CDH10: variants seen among roughly 807,000 people sequenced by gnomAD.
CDH10 encodes cadherin 10.
CDH10 carries 30 observed loss-of-function variants against 73.1 expected under a neutral mutation model. The ratio of observed to expected loss-of-function variants is 0.41; its 90% CI spans 0.31 to 0.56. The LOEUF is 0.56. CDH10 is among the 20% of genes least tolerant of loss of function. CDH10 has a pLI of 0.27. For synonymous variants in CDH10, 345 were observed against 348.2 expected (o/e 0.99, Z 0.10); for missense variants, 815 against 973.7 (o/e 0.84, Z 2.17).
intron 1 of CDH10, among the ~76,000 whole-genome samples, chr5:24,604,920 A>G (rs1746706260): frequency 6.6e-6 from 1 of 151,904 alleles, no homozygotes; most frequent in Non-Finnish European, 1.5e-5. Flanking sequence ...CAAACAAAAG[A>G]AAGTCAAAAA....
chr5:24,595,532 C>A (rs1304295149), intron 1 of CDH10, among the ~76,000 whole-genome samples: 1 of 151,874 alleles, frequency 6.6e-6, no homozygotes, highest in Non-Finnish European at 1.5e-5. Context: ...AATGGTCTTA[C>A]ATCACAAAGC....
chr5:24,582,915 A>G (rs924535395), intron 2 of CDH10, among the ~76,000 whole-genome samples: 1 of 152,214 alleles, frequency 6.6e-6, no homozygotes, highest in Non-Finnish European at 1.5e-5. Flanking sequence ...TTAGGTTGAA[A>G]CAACCTCAAT....
chr5:24,546,318 T>G (rs565004636), intron 2 of CDH10, among the ~76,000 whole-genome samples: 1 of 152,272 alleles, frequency 6.6e-6, no homozygotes, highest in African/African-American at 2.4e-5. Flanking sequence ...GTTAACTTTC[T>G]GTGTTTTCCC....
intron 5 of CDH10, among the ~76,000 whole-genome samples, chr5:24,517,965 G>A (rs4290982): frequency 0.48 from 72,657 of 151,904 alleles, 17,492 homozygotes; most frequent in East Asian, 0.58. Flanking sequence ...TTTAGATTTC[G>A]TAGTGTAGGC....
intron 1 of CDH10, among the ~76,000 whole-genome samples, chr5:24,602,563 C>G (rs1055848838): frequency 1.2e-4 from 18 of 152,102 alleles, no homozygotes; most frequent in African/African-American, 4.3e-4. Flanking sequence ...CACTTTTTAC[C>G]TATTTCCCCA....
intron 2 of CDH10, among the ~76,000 whole-genome samples, chr5:24,584,857 T>TC (rs200630310): frequency 8.7e-5 from 13 of 149,930 alleles, no homozygotes; most frequent in South Asian, 2.1e-4. Flanking sequence ...CTTTTTTTTT[T>TC]CCCCCCTGAT....
At chr5:24,509,913 TTC>T (rs1230958081) in intron 6 of CDH10, 94 bp from the exon 7 acceptor site, 1 of 840,944 alleles carries the variant, frequency 1.2e-6, no homozygotes, top group Non-Finnish European at 1.9e-6. Context: ...TGTGGTTGAG[TTC>T]TCTTACATAG....
chr5:24,600,793 T>C (rs1746535890), intron 1 of CDH10, among the ~76,000 whole-genome samples: 1 of 152,068 alleles, frequency 6.6e-6, no homozygotes, highest in African/African-American at 2.4e-5. Context: ...GGAAAAGAAA[T>C]ATATACATTA....
At chr5:24,612,119 A>G (rs1746969142) in intron 1 of CDH10, 1 of 152,230 alleles carries the variant, frequency 6.6e-6, no homozygotes, top group Non-Finnish European at 1.5e-5. Flanking sequence ...ATAGTACGTT[A>G]CACATTAATA....
intron 2 of CDH10, among the ~76,000 whole-genome samples, chr5:24,575,920 T>G (rs754482901): frequency 5.3e-5 from 8 of 152,018 alleles, no homozygotes; most frequent in Non-Finnish European, 1.2e-4. Flanking sequence ...TGGAGTTAAC[T>G]TCCAAAATGT....
intron 2 of CDH10, among the ~76,000 whole-genome samples, chr5:24,538,399 G>A (rs915803339): frequency 7.9e-5 from 12 of 152,034 alleles, no homozygotes; most frequent in Admixed American, 5.9e-4. Context: ...CAGGAACAAG[G>A]CAATACAAGG....
chr5:24,554,405 G>A (rs1252722235), intron 2 of CDH10, among the ~76,000 whole-genome samples: 1 of 151,748 alleles, frequency 6.6e-6, no homozygotes, highest in Non-Finnish European at 1.5e-5. Flanking sequence ...GTGAAACTTG[G>A]TGCTTCCTTT....
At chr5:24,613,931 A>G (rs992073551) in intron 1 of CDH10, among the ~76,000 whole-genome samples, 1 of 152,186 alleles carries the variant, frequency 6.6e-6, no homozygotes, top group Non-Finnish European at 1.5e-5. Context: ...GAATGGGACA[A>G]GGACAAATTC....
intron 1 of CDH10, among the ~76,000 whole-genome samples, chr5:24,628,565 T>C (rs552972819): frequency 1.3e-4 from 20 of 152,258 alleles, no homozygotes; most frequent in African/African-American, 4.1e-4. Context: ...CAGCCATGCA[T>C]GTAAAATGAC....
At chr5:24,561,518 G>C (rs1579809832) in intron 2 of CDH10, among the ~76,000 whole-genome samples, 1 of 151,988 alleles carries the variant, frequency 6.6e-6, no homozygotes, top group Admixed American at 6.6e-5. Flanking sequence ...CATCGTTCGC[G>C]ACCCTACTGC....
chr5:24,500,254 TA>T lies in CDH10; in HGVS notation c.1394-1736del, dbSNP rs528126429. ...TACTCCAATATTAAAATCAGCACTT[TA>T]AAAAATGATATATAAGAACAGACTG... On this transcript the variant is annotated intron_variant, in intron 8 of 11. Transcript: ENST00000264463. Among the ~76,000 whole-genome samples, 11 of 152,346 alleles carry T rather than the reference TA, an allele frequency of 7.2e-5. No homozygotes were observed. In the South Asian group the frequency reaches 2.3e-3, roughly 32 times the overall value.
In CDH10 at chr5:24,532,315, T is replaced by C. The variant is rs191041387; in HGVS notation, c.814+2797A>G. On this transcript the variant is annotated intron_variant, in intron 5 of 11. Transcript: ENST00000264463. ...TAGTCAACATTATTGGATGCATAAA[T>C]ACACTAAATTCCAGCCACTGAGTCC... 9.3e-4 allele frequency among the ~76,000 whole-genome samples: 142 copies of C among 152,170 alleles called. 1 individual carries two copies. The highest frequency in any genetic ancestry group is 3.4e-3 in the Middle Eastern group (1 of 294).
At chr5:24,548,561 T>C (rs547898944) in intron 2 of CDH10, among the ~76,000 whole-genome samples, 102 of 151,540 alleles carry the variant, frequency 6.7e-4, no homozygotes, top group Non-Finnish European at 1.2e-3. Flanking sequence ...AATGGTATTA[T>C]GGAGAGTAAT....
chr5:24,612,952 T>G (rs1579471223), intron 1 of CDH10: 1 of 152,304 alleles, frequency 6.6e-6, no homozygotes, highest in East Asian at 1.9e-4. Flanking sequence ...GTATGCTATT[T>G]GCAACACATT....
Sources: gnomAD v4.1 joint callset for allele counts (sites outside exome capture counted in the v4.1 genomes callset) on GRCh38, gnomAD v4.1.1 for gene constraint, MANE v1.5 for transcripts, NCBI Gene and HGNC (gene_info 2026-07-23, HGNC 2026-07-21) for gene names.